The following SDC4 variants were observed in gnomAD, a reference collection of about 807,000 sequenced individuals.
SDC4 encodes syndecan-4.
In SDC4, 17 loss-of-function variants were observed where a neutral mutation model predicts 20.5. The observed-to-expected ratio is 0.83, with a 90% confidence interval of 0.57 to 1.25. The LOEUF (loss-of-function observed/expected upper bound fraction) is 1.25. SDC4 is among the 50% of genes most tolerant of loss of function. SDC4 has a pLI of 0.00. For missense variants in SDC4, 241 were observed against 252.3 expected, an observed-to-expected ratio of 0.96 and a Z score of 0.30; for synonymous variants, 107 against 105.3, an observed-to-expected ratio of 1.02 and a Z score of -0.10.
chr20:45,346,144 T>C (rs1189783289), intron 1 of SDC4, among the ~76,000 whole-genome samples: 1 of 152,062 alleles, frequency 6.6e-6, no homozygotes, highest in Non-Finnish European at 1.5e-5. Flanking sequence ...GCAAAGTCCT[T>C]CTCCCTGGGC....
chr20:45,348,378 G>C lies in SDC4; in HGVS notation c.7C>G (p.Pro3Ala), dbSNP rs1188172692. 6.3e-7 allele frequency: 1 copy of C among 1,581,884 alleles called. No homozygotes were observed. The highest frequency in any genetic ancestry group is 1.4e-5 in the African/African-American group (1 of 73,776). ...AGCAGCAGCGCGAACAGACGGGCGG[G>C]GGCCATGGCACCGCGGACTGGAGAA... MA[P>A]ARLFALLLFF... The change falls in exon 1 of 5, where the codon CCC (proline) becomes GCC (alanine). Residue 3 changes from proline (P) to alanine (A), a missense_variant. Transcript: ENST00000372733.
rs1383426433 is a variant in SDC4 at position 45,325,422 on chromosome 20, C to G, written c.*1842G>C. The G allele has an allele frequency of 1.3e-5, 2 of 152,738 alleles. No homozygotes were observed. The highest frequency in any genetic ancestry group is 2.9e-5 in the Non-Finnish European group (2 of 68,144). 9.5% of individuals were successfully genotyped at this position (152,738 alleles called of 1,614,324 possible). On this transcript the variant is annotated 3_prime_UTR_variant, in exon 5 of 5. Transcript: ENST00000372733. ...AAGGGCACTGGGGGCAGAAGAGGAC[C>G]CAGCCAGCTGGGACCCTGGGTTGCA...
At chr20:45,332,874 C>A (rs1987799351) in intron 3 of SDC4, 149 bp downstream of exon 3, 2 of 721,444 alleles carry the variant, frequency 2.8e-6, no homozygotes, top group Non-Finnish European at 4.6e-6. Flanking sequence ...ACCATGCCCA[C>A]CCCAGGGCCA....
In SDC4 at chr20:45,327,552, G is replaced by A. The variant is rs1384941463; in HGVS notation, c.446-137C>T. ...CACCACTGCCTGTGCCAGGCAAGCT[G>A]ATGCCTTATTTAAGTTGACCTCATG... On this transcript the variant is annotated intron_variant, in intron 4 of 4. Coordinates refer to ENST00000372733, the MANE Select transcript of SDC4 (RefSeq NM_002999.4). 5.3e-6 allele frequency: 5 copies of A among 946,698 alleles called. No individual in the cohort carries two copies. The South Asian group carries it at 5.7e-5, about 11-fold the overall frequency. 58.6% of individuals were successfully genotyped at this position (946,698 alleles called of 1,614,324 possible).
intron 3 of SDC4, among the ~76,000 whole-genome samples, chr20:45,332,590 A>ATTTG (rs1041166806): frequency 5.9e-5 from 9 of 151,944 alleles, no homozygotes; most frequent in East Asian, 1.9e-4. Context: ...CTGGGGCCAG[A>ATTTG]TTTGTTTGTT....
chr20:45,338,832 G>A (rs549145192), intron 1 of SDC4, among the ~76,000 whole-genome samples: 125 of 152,260 alleles, frequency 8.2e-4, no homozygotes, highest in Non-Finnish European at 1.3e-3. Context: ...CCGGGGCTCC[G>A]CGGCACGGCC....
intron 4 of SDC4, among the ~76,000 whole-genome samples, chr20:45,328,258 C>T (rs969220720): frequency 6.6e-6 from 1 of 152,124 alleles, no homozygotes. Context: ...GCCTGGTTTC[C>T]ACTCCTACCT....
At position 45,327,230 on chromosome 20, in the gene SDC4, C is replaced by G. The variant is rs17336469; in HGVS notation, c.*34G>C. Reference sequence around the variant, plus strand: ...TTCAAAATCCCCTGGCTTCCCTCCCCGCTAAAGTCCAAGCCAGTGCCCACA... The same window carrying G: ...TTCAAAATCCCCTGGCTTCCCTCCCGGCTAAAGTCCAAGCCAGTGCCCACA... On this transcript the variant is annotated 3_prime_UTR_variant, in exon 5 of 5. Transcript: ENST00000372733. 21,598 of 1,611,906 alleles carry G rather than the reference C, an allele frequency of 0.013. 210 individuals carry two copies. Among genetic ancestry groups the G allele is most frequent in the Non-Finnish European group, 0.015 (17,474 of 1,178,426 alleles).
chr20:45,335,827 C>A lies in SDC4; in HGVS notation c.154G>T (p.Gly52Trp). 1 of 1,614,028 alleles carries A rather than the reference C, an allele frequency of 6.2e-7. No individual in the cohort carries two copies. The highest frequency in any genetic ancestry group is 1.1e-5 in the South Asian group (1 of 91,074). Residue 52 changes from glycine (G) to tryptophan (W), a missense_variant, in exon 2 of 5, where the codon GGG becomes TGG. Gly to Trp is a radical substitution (Grantham distance 184). Coordinates refer to ENST00000372733, the MANE Select transcript of SDC4 (RefSeq NM_002999.4). ...AGCTCAAAGTCATCAGATTCCTGCCCGGGCCCCACTACATCCTCATCGTCT... is the reference window on the plus strand; with the variant it reads ...AGCTCAAAGTCATCAGATTCCTGCCAGGGCCCCACTACATCCTCATCGTCT... ...LPDDEDVVGP[G>W]QESDDFELSG...
chr20:45,332,150 T>C (rs1987786751), intron 3 of SDC4, among the ~76,000 whole-genome samples: 1 of 136,216 alleles, frequency 7.3e-6, no homozygotes, highest in Non-Finnish European at 1.5e-5. Flanking sequence ...CATAGAATTA[T>C]ATATATATAC....
intron 1 of SDC4, among the ~76,000 whole-genome samples, chr20:45,344,014 C>A (rs953237491): frequency 6.6e-6 from 1 of 152,202 alleles, no homozygotes. Context: ...TGTTTCAATG[C>A]CCTCTGGCCA....
Position 45,330,470 on chromosome 20 carries a change from T to C in SDC4, c.341A>G (p.Lys114Arg), listed in dbSNP as rs1461103105. The change falls in exon 4 of 5, where the codon AAG becomes AGG. Residue 114 changes from lysine (K) to arginine (R), a missense_variant. Lys to Arg is a conservative substitution (Grantham distance 26). Transcript: ENST00000372733. ...ACTCTCTTCAACGGGTGAGATTCTCTTGGGGATAACCTCATTCTCCTCTAG... is the reference window on the plus strand; with the variant it reads ...ACTCTCTTCAACGGGTGAGATTCTCCTGGGGATAACCTCATTCTCCTCTAG... ...KKLEENEVIPKRISPVEESED... is the reference protein window; with the variant it reads ...KKLEENEVIPRRISPVEESED... 8 of 1,614,082 alleles carry C rather than the reference T, an allele frequency of 5.0e-6. No individual in the cohort carries two copies. The highest frequency in any genetic ancestry group is 4.5e-5 in the East Asian group (2 of 44,902).
At chr20:45,334,401 A>G (rs1467856939) in intron 2 of SDC4, among the ~76,000 whole-genome samples, 1 of 152,222 alleles carries the variant, frequency 6.6e-6, no homozygotes, top group Non-Finnish European at 1.5e-5. Flanking sequence ...GATGATGGAT[A>G]TATTACTTAA....
Position 45,330,568 on chromosome 20 carries a change from G to C in SDC4, c.247-4C>G. ...GGATATGGTTATCTAGAGGCACCTG[G>C]ATGGGCGGAAAGGAGAAGAGACACT... On this transcript the variant is annotated splice_region_variant and splice_polypyrimidine_tract_variant and intron_variant, in intron 3 of 4. Transcript: ENST00000372733. 1.9e-6 allele frequency: 3 copies of C among 1,613,842 alleles called. No homozygotes were observed. The highest frequency in any genetic ancestry group is 2.5e-6 in the Non-Finnish European group (3 of 1,179,802).
At chr20:45,329,016 C>CAGG (rs1242353981) in intron 4 of SDC4, among the ~76,000 whole-genome samples, 5 of 152,278 alleles carry the variant, frequency 3.3e-5, no homozygotes, top group African/African-American at 1.2e-4. Context: ...GTCCAAATGC[C>CAGG]AGGTCTGCCA....
chr20:45,341,543 C>T lies in SDC4; in HGVS notation c.61-5623G>A, dbSNP rs80287543. 6.3e-3 allele frequency among the ~76,000 whole-genome samples: 957 copies of T among 152,094 alleles called. 8 individuals are homozygous for T. Among genetic ancestry groups the T allele is most frequent in the African/African-American group, 0.022 (912 of 41,456 alleles). ...AAATTCTACTTGGGGACCTGGGTCC[C>T]CAGGGACAAAATAAATAAATAAAAA... On this transcript the variant is annotated intron_variant, in intron 1 of 4. Coordinates refer to ENST00000372733, the MANE Select transcript of SDC4 (RefSeq NM_002999.4).
At chr20:45,331,927 A>T (rs1357824257) in intron 3 of SDC4, among the ~76,000 whole-genome samples, 1 of 152,200 alleles carries the variant, frequency 6.6e-6, no homozygotes, top group Non-Finnish European at 1.5e-5. Context: ...CCATTCTTTT[A>T]TTCCTTTACT....
chr20:45,343,040 G>A (rs1294506594), intron 1 of SDC4, among the ~76,000 whole-genome samples: 1 of 152,162 alleles, frequency 6.6e-6, no homozygotes, highest in African/African-American at 2.4e-5. Flanking sequence ...GTCCCTGGGT[G>A]AGCAGCAGAG....
intron 1 of SDC4, among the ~76,000 whole-genome samples, chr20:45,339,616 T>A (rs1987925588): frequency 6.6e-6 from 1 of 152,208 alleles, no homozygotes. Flanking sequence ...TGTGCACGCC[T>A]GTGGTCCCAG....
Sources: gnomAD v4.1 joint callset for allele counts (sites outside exome capture counted in the v4.1 genomes callset) on GRCh38, gnomAD v4.1.1 for gene constraint, MANE v1.5 for transcripts, NCBI Gene and HGNC (gene_info 2026-07-23, HGNC 2026-07-21) for gene names.